GLIS3: variants seen among roughly 807,000 people sequenced by gnomAD.
The protein encoded by GLIS3 is zinc finger protein GLIS3.
Under a neutral mutation model 78.6 loss-of-function variants are expected in GLIS3, and 53 were observed. The ratio of observed to expected loss-of-function variants is 0.67; its 90% CI spans 0.54 to 0.85. The LOEUF (loss-of-function observed/expected upper bound fraction) is 0.85, where lower values mean the gene tolerates loss of function less well. GLIS3 is among the 40% of genes least tolerant of loss of function. GLIS3 has a pLI of 0.00. For synonymous variants in GLIS3, 684 were observed against 509.9 expected (o/e 1.34, Z -4.60); for missense variants, 1,703 against 1,231.1 (o/e 1.38, Z -5.74).
chr9:4,274,026 G>A (rs16921003), intron 2 of GLIS3, among the ~76,000 whole-genome samples: 7,814 of 152,158 alleles, frequency 0.051, 461 homozygotes, highest in African/African-American at 0.14. Flanking sequence ...ACATGTGGCC[G>A]AGTCTGCCCT....
intron 4 of GLIS3, among the ~76,000 whole-genome samples, chr9:4,063,152 G>C (rs1185576985): frequency 6.6e-6 from 1 of 152,032 alleles, no homozygotes; most frequent in Non-Finnish European, 1.5e-5. Flanking sequence ...TGTCTGCCTA[G>C]GGATTTGATT....
chr9:3,980,294 G>A (rs1489763685), intron 4 of GLIS3, among the ~76,000 whole-genome samples: 1 of 152,176 alleles, frequency 6.6e-6, no homozygotes, highest in Non-Finnish European at 1.5e-5. Flanking sequence ...AAAGCTTCTG[G>A]TGAGAAGCAC....
At chr9:4,169,160 G>A (rs1238638904) in intron 2 of GLIS3, among the ~76,000 whole-genome samples, 1 of 152,064 alleles carries the variant, frequency 6.6e-6, no homozygotes, top group Non-Finnish European at 1.5e-5. Context: ...CTATCAACTG[G>A]TACTCCTCTG....
intron 9 of GLIS3, among the ~76,000 whole-genome samples, chr9:3,847,424 C>T (rs1429616769): frequency 6.6e-6 from 1 of 152,202 alleles, no homozygotes; most frequent in Non-Finnish European, 1.5e-5. Context: ...TAAGCACTTA[C>T]AGTGTGCAGA....
chr9:4,457,775 G>A, the GLIS3 span, among the ~76,000 whole-genome samples: 7 of 151,530 alleles, frequency 4.6e-5, no homozygotes, highest in Non-Finnish European at 8.8e-5. Flanking sequence ...ACTTGAACCC[G>A]GGAGGCAGAG....
intron 6 of GLIS3, among the ~76,000 whole-genome samples, chr9:3,925,961 T>G (rs561292869): frequency 7.9e-5 from 12 of 152,314 alleles, no homozygotes; most frequent in African/African-American, 2.2e-4. Context: ...GGCCATTAAG[T>G]GAGGGCAGAG....
chr9:3,954,692 T>A (rs1816966810), intron 4 of GLIS3, among the ~76,000 whole-genome samples: 1 of 152,230 alleles, frequency 6.6e-6, no homozygotes, highest in Non-Finnish European at 1.5e-5. Flanking sequence ...AGGCCCTGTT[T>A]ATTTAGAAAA....
At chr9:4,304,581 GA>G (rs1239888202), upstream of GLIS3, among the ~76,000 whole-genome samples, 1 of 152,136 alleles carries the variant, frequency 6.6e-6, no homozygotes, top group Admixed American at 6.5e-5. Flanking sequence ...GAAAAGGGAA[GA>G]AAAGAAATGG....
intron 6 of GLIS3, among the ~76,000 whole-genome samples, chr9:3,910,170 C>T (rs926068617): frequency 6.6e-6 from 1 of 152,176 alleles, no homozygotes; most frequent in African/African-American, 2.4e-5. Context: ...TCCTCACCTC[C>T]TCTCCTAGAC....
the GLIS3 span, among the ~76,000 whole-genome samples, chr9:4,484,711 C>T: frequency 1.3e-5 from 2 of 151,784 alleles, no homozygotes; most frequent in African/African-American, 4.8e-5. Context: ...GCCACTGTGC[C>T]CAGTGTAGGC....
At chr9:3,971,562 C>A (rs1407374758) in intron 4 of GLIS3, among the ~76,000 whole-genome samples, 1 of 152,134 alleles carries the variant, frequency 6.6e-6, no homozygotes, top group African/African-American at 2.4e-5. Flanking sequence ...ACAGACACAA[C>A]TGACATGCAA....
chr9:4,299,491 C>G lies in GLIS3; in HGVS notation c.-169G>C, dbSNP rs1816926348. On this transcript the variant is annotated 5_prime_UTR_variant, in exon 1 of 11. Transcript: ENST00000381971. ...TCCCCCGGCCGGCCAGCGCGAGTGA[C>G]AGCGGGCGGCCGGCGCTGGCGAGGA... 6.6e-6 allele frequency: 1 copy of G among 152,526 alleles called. No individual in the cohort carries two copies. The highest frequency in any genetic ancestry group is 1.5e-5 in the Non-Finnish European group (1 of 68,050). 9.4% of individuals were successfully genotyped at this position (152,526 alleles called of 1,614,324 possible).
At chr9:4,450,434 A>T in the GLIS3 span, among the ~76,000 whole-genome samples, 1 of 152,332 alleles carries the variant, frequency 6.6e-6, no homozygotes, top group East Asian at 1.9e-4. Context: ...GCAGGATATT[A>T]TCCAGGAGAA....
the GLIS3 span, among the ~76,000 whole-genome samples, chr9:4,408,689 C>T: frequency 0.54 from 62,142 of 115,710 alleles, 17,102 homozygotes; most frequent in African/African-American, 0.66. Context: ...ATCACGCCAC[C>T]GCACTCCAGC....
the GLIS3 span, among the ~76,000 whole-genome samples, chr9:4,443,149 T>A: frequency 1.3e-5 from 2 of 152,192 alleles, no homozygotes; most frequent in East Asian, 3.8e-4. Flanking sequence ...CAAATTTGTG[T>A]CCAGGCCTCC....
At chr9:4,189,001 T>G (rs1329923140) in intron 2 of GLIS3, among the ~76,000 whole-genome samples, 4 of 152,176 alleles carry the variant, frequency 2.6e-5, no homozygotes, top group African/African-American at 7.2e-5. Context: ...TTTCCTTCAG[T>G]TCTGCTCTGA....
chr9:4,367,223 C>A, the GLIS3 span, among the ~76,000 whole-genome samples: 6 of 152,210 alleles, frequency 3.9e-5, no homozygotes, highest in African/African-American at 9.7e-5. Context: ...CACTCTCCAG[C>A]TTCATCAGTT....
chr9:4,468,745 C>T, the GLIS3 span, among the ~76,000 whole-genome samples: 1 of 152,248 alleles, frequency 6.6e-6, no homozygotes, highest in South Asian at 2.1e-4. Context: ...GCAAAATAAC[C>T]AGCTAACATC....
At chr9:3,893,776 C>T (rs1588166354) in intron 7 of GLIS3, among the ~76,000 whole-genome samples, 2 of 152,328 alleles carry the variant, frequency 1.3e-5, no homozygotes, top group Non-Finnish European at 2.9e-5. Context: ...AATTCAGATT[C>T]TTGGGACTCA....
Sources: allele counts gnomAD v4.1 joint callset (sites outside exome capture counted in the v4.1 genomes callset), GRCh38; gene constraint gnomAD v4.1.1; transcripts MANE v1.5; gene names NCBI Gene and HGNC (gene_info 2026-07-23, HGNC 2026-07-21).